Variants in SEMA4D observed in about 807,000 individuals in gnomAD.
SEMA4D encodes the protein semaphorin 4D.
A neutral mutation model predicts 74.8 loss-of-function variants in SEMA4D; 22 were observed. The ratio of observed to expected loss-of-function variants is 0.29; its 90% CI spans 0.21 to 0.42. SEMA4D has a LOEUF of 0.42. Ranked by LOEUF, SEMA4D falls within the 10% of genes least tolerant of loss-of-function variation. SEMA4D has a pLI of 1.00. For missense variants in SEMA4D, 937 were observed against 1,118.4 expected, an observed-to-expected ratio of 0.84 and a Z score of 2.31; for synonymous variants, 445 against 463.7, an observed-to-expected ratio of 0.96 and a Z score of 0.52.
In SEMA4D at chr9:89,379,370, C is replaced by A. The variant is rs201925684; in HGVS notation, c.1923G>T (p.Lys641Asn). The change falls in exon 16 of 16, where the codon AAG (lysine) becomes AAT (asparagine). Residue 641 changes from lysine (K) to asparagine (N), a missense_variant. By Grantham distance (94) the Lys-to-Asn change is moderately conservative. Transcript: ENST00000422704. Reference sequence around the variant, plus strand: ...GAACCACCTTCACTTCCAGGACGTGCTTGGCGACCACTTGGAAGACCGTTT... The same window carrying A: ...GAACCACCTTCACTTCCAGGACGTGATTGGCGACCACTTGGAAGACCGTTT... ...KNKTVFQVVAKHVLEVKVVPK... is the reference protein window; with the variant it reads ...KNKTVFQVVANHVLEVKVVPK... 1 of 1,614,194 alleles carries A rather than the reference C, an allele frequency of 6.2e-7. No homozygotes were observed. Among genetic ancestry groups the A allele is most frequent in the Admixed American group, 1.7e-5 (1 of 60,030 alleles).
intron 2 of SEMA4D, among the ~76,000 whole-genome samples, chr9:89,437,227 G>T (rs1339887914): frequency 6.6e-6 from 1 of 152,204 alleles, no homozygotes; most frequent in African/African-American, 2.4e-5. Flanking sequence ...ATCCTAGTGG[G>T]CATTGCACAG....
chr9:89,473,444 A>C (rs998844895), intron 1 of SEMA4D, among the ~76,000 whole-genome samples: 2 of 151,672 alleles, frequency 1.3e-5, no homozygotes, highest in Non-Finnish European at 2.9e-5. Flanking sequence ...CTAAAAATTT[A>C]AAAACTAGCC....
At position 89,381,173 on chromosome 9, in the gene SEMA4D, C is replaced by G; in HGVS notation, c.1619+1G>C. 1 of 1,613,878 alleles carries G rather than the reference C, an allele frequency of 6.2e-7. No individual in the cohort carries two copies. The highest frequency in any genetic ancestry group is 8.5e-7 in the Non-Finnish European group (1 of 1,179,788). On this transcript the variant is annotated splice_donor_variant, in intron 14 of 15. Transcript: ENST00000422704. LOFTEE classifies it high-confidence loss of function. This position sits in a 1 kb window ranked among gnomAD's most constrained non-coding sequence, Gnocchi z 4.6. The stretch of plus-strand genomic sequence containing the variant: ...CCCAGGCAGCGCATCCCGCCCCATA[C>G]CTGCTGGGGCTCTCGGTCTGGTGCA...
At chr9:89,450,861 G>A (rs1332093339) in intron 2 of SEMA4D, 2 of 525,494 alleles carry the variant, frequency 3.8e-6, no homozygotes, top group South Asian at 6.6e-5. Context: ...CCAGCAGAGT[G>A]GGGGTGTCCC....
At chr9:89,361,096 T>C (rs534253576) in exon 19 of SEMA4D, 1 of 152,304 alleles carries the variant, frequency 6.6e-6, no homozygotes, top group Admixed American at 6.5e-5. Flanking sequence ...GTTATGAGTA[T>C]GTGATGGTTC....
chr9:89,456,669 C>T (rs1171239792), intron 1 of SEMA4D, among the ~76,000 whole-genome samples: 1 of 152,218 alleles, frequency 6.6e-6, no homozygotes, highest in Non-Finnish European at 1.5e-5. Context: ...TAACCTCCAC[C>T]TCCCAGGTTC....
intron 13 of SEMA4D, chr9:89,385,933 A>G: frequency 2.1e-6 from 2 of 974,640 alleles, no homozygotes; most frequent in Non-Finnish European, 2.4e-6. Context: ...TCTCAGCCAC[A>G]GGTGGAGACA....
intron 2 of SEMA4D, among the ~76,000 whole-genome samples, chr9:89,437,902 A>ACCCACGCTTTC: frequency 6.6e-6 from 1 of 152,226 alleles, no homozygotes; most frequent in Non-Finnish European, 1.5e-5. Flanking sequence ...TAAATTGAGC[A>ACCCACGCTTTC]ACTCAGTCCC....
intron 1 of SEMA4D, among the ~76,000 whole-genome samples, chr9:89,461,726 A>G (rs1857305642): frequency 1.7e-5 from 1 of 60,220 alleles, no homozygotes; most frequent in Non-Finnish European, 3.5e-5. Flanking sequence ...TTTTGGAGAC[A>G]GAGTCTCGCT....
intron 2 of SEMA4D, among the ~76,000 whole-genome samples, chr9:89,427,957 GGT>G (rs1244065416): frequency 6.6e-6 from 1 of 152,174 alleles, no homozygotes; most frequent in Non-Finnish European, 1.5e-5. Flanking sequence ...CCAGGAAGGA[GGT>G]GTGTTTCCCC....
intron 16 of SEMA4D, among the ~76,000 whole-genome samples, chr9:89,370,752 GGTT>G (rs1040510778): frequency 1.2e-4 from 18 of 144,970 alleles, no homozygotes; most frequent in Non-Finnish European, 1.9e-4. Flanking sequence ...TGTGGGGTGT[GGTT>G]GTGAGGGGTG....
chr9:89,373,316 G>C (rs1835365275), downstream of SEMA4D, among the ~76,000 whole-genome samples: 1 of 152,142 alleles, frequency 6.6e-6, no homozygotes, highest in African/African-American at 2.4e-5. Context: ...GGCCTCAGAG[G>C]GCCCTCACCT....
At chr9:89,433,254 T>C (rs1193589790) in intron 2 of SEMA4D, among the ~76,000 whole-genome samples, 2 of 152,274 alleles carry the variant, frequency 1.3e-5, no homozygotes, top group Middle Eastern at 3.4e-3. Flanking sequence ...GAGTCCCCCA[T>C]GAGTGCAACT....
chr9:89,439,557 A>T (rs1851244576), intron 2 of SEMA4D, among the ~76,000 whole-genome samples: 2 of 152,194 alleles, frequency 1.3e-5, no homozygotes, highest in South Asian at 4.1e-4. Context: ...TTTCACAAAA[A>T]ATTAAGGTTT....
intron 2 of SEMA4D, among the ~76,000 whole-genome samples, chr9:89,443,633 C>T (rs987471125): frequency 6.6e-6 from 1 of 152,198 alleles, no homozygotes; most frequent in African/African-American, 2.4e-5. Context: ...TGCACCCCAC[C>T]CCATGCCTGC....
intron 5 of SEMA4D, among the ~76,000 whole-genome samples, chr9:89,397,055 T>C (rs1841131087): frequency 6.6e-6 from 1 of 152,130 alleles, no homozygotes; most frequent in Admixed American, 6.5e-5. Context: ...TCTCGTACAG[T>C]GGAAGGTTCA....
intron 2 of SEMA4D, among the ~76,000 whole-genome samples, chr9:89,409,437 C>A (rs568454807): frequency 1.3e-5 from 2 of 152,148 alleles, no homozygotes; most frequent in Non-Finnish European, 2.9e-5. Flanking sequence ...TGTGGGTTCA[C>A]CGACTGTAGC....
At chr9:89,454,194 G>A (rs1031822042) in intron 2 of SEMA4D, among the ~76,000 whole-genome samples, 1 of 152,150 alleles carries the variant, frequency 6.6e-6, no homozygotes, top group Admixed American at 6.5e-5. Flanking sequence ...AAGACCAGGA[G>A]GGCCAAGGCA....
chr9:89,366,222 GTAGA>G (rs1564484532), intron 16 of SEMA4D, among the ~76,000 whole-genome samples: 1 of 152,240 alleles, frequency 6.6e-6, no homozygotes, highest in African/African-American at 2.4e-5. Flanking sequence ...ATGTGTGAAC[GTAGA>G]TAGTCATGGC....
Sources: allele counts gnomAD v4.1 joint callset (sites outside exome capture counted in the v4.1 genomes callset), GRCh38; gene constraint gnomAD v4.1.1; non-coding constraint Gnocchi (gnomAD v3.1); transcripts MANE v1.5; gene names NCBI Gene and HGNC (gene_info 2026-07-23, HGNC 2026-07-21).